The following HECA variants were observed in gnomAD, a reference collection of about 807,000 sequenced individuals.
HECA encodes HECA ribonucleoprotein granule regulator, also known as headcase protein homolog.
In HECA, 13 loss-of-function variants were observed where a neutral mutation model predicts 37.6. The ratio of observed to expected loss-of-function variants is 0.35; its 90% CI spans 0.23 to 0.55. The LOEUF is 0.55. Among genes scored for constraint, HECA ranks in the 20% least tolerant of loss-of-function variants. HECA has a pLI of 0.90. For missense variants in HECA, 527 were observed against 701.9 expected, an observed-to-expected ratio of 0.75 and a Z score of 2.82; for synonymous variants, 307 against 291.5, an observed-to-expected ratio of 1.05 and a Z score of -0.54.
intron 1 of HECA, among the ~76,000 whole-genome samples, chr6:139,163,536 T>G (rs1300960130): frequency 2.6e-5 from 4 of 151,996 alleles, no homozygotes; most frequent in Non-Finnish European, 1.5e-5. Flanking sequence ...GTATTTTTAG[T>G]AGAGATGGGG....
chr6:139,135,829 G>T (rs1322694005), intron 1 of HECA, among the ~76,000 whole-genome samples, 162 bp downstream of exon 1: 1 of 151,150 alleles, frequency 6.6e-6, no homozygotes, highest in Non-Finnish European at 1.5e-5. Context: ...CGGTCCCCAC[G>T]CCTGGCGGCG....
At chr6:139,135,758 A>G in intron 1 of HECA, 91 bp downstream of exon 1, 2 of 493,848 alleles carry the variant, frequency 4.0e-6, no homozygotes, top group Non-Finnish European at 2.6e-6. Flanking sequence ...CGGTGCGTGG[A>G]CAATGCGAGA....
chr6:139,150,863 T>G lies in HECA; in HGVS notation c.271+15196T>G, dbSNP rs1031749833. Among the ~76,000 whole-genome samples, 11 of 152,346 alleles carry G rather than the reference T, an allele frequency of 7.2e-5. No individual in the cohort carries two copies. In the East Asian group the frequency reaches 1.5e-3, roughly 21 times the overall value. ...CAATAGGAGTCTGTAACTCTAAGTTTACTTAATTTTCCTTAGAAAATTTTA... is the reference window on the plus strand; with the variant it reads ...CAATAGGAGTCTGTAACTCTAAGTTGACTTAATTTTCCTTAGAAAATTTTA... On this transcript the variant is annotated intron_variant, in intron 1 of 3. Transcript: ENST00000367658.
intron 1 of HECA, among the ~76,000 whole-genome samples, chr6:139,148,928 G>C (rs1774616131): frequency 6.6e-6 from 1 of 152,018 alleles, no homozygotes; most frequent in Admixed American, 6.6e-5. Context: ...CAGCTATGTA[G>C]GACTTTGACA....
chr6:139,145,532 CGT>C (rs1774575475), intron 1 of HECA, among the ~76,000 whole-genome samples: 1 of 152,058 alleles, frequency 6.6e-6, no homozygotes, highest in African/African-American at 2.4e-5. Flanking sequence ...CATATATACA[CGT>C]AATATAGTGT....
At position 139,177,298 on chromosome 6, in the gene HECA, C is replaced by G; in HGVS notation, c.*193C>G. ...CCGAGTGTTAATCTGTGGTTTTGAC[C>G]AGAGCCCAGATGGGTAATCCTGTGC... On this transcript the variant is annotated 3_prime_UTR_variant, in exon 4 of 4. Coordinates refer to ENST00000367658, the MANE Select transcript of HECA (RefSeq NM_016217.3). The surrounding 1 kb of genome is among the most constrained non-coding windows in gnomAD (Gnocchi z 4.9). 2.2e-6 allele frequency: 1 copy of G among 463,504 alleles called. No homozygotes were observed. The highest frequency in any genetic ancestry group is 3.2e-5 in the East Asian group (1 of 30,806). 28.7% of individuals were successfully genotyped at this position (463,504 alleles called of 1,614,324 possible).
chr6:139,139,714 C>T (rs1774491347), intron 1 of HECA, among the ~76,000 whole-genome samples: 1 of 152,222 alleles, frequency 6.6e-6, no homozygotes, highest in South Asian at 2.1e-4. Context: ...TCCCCCAACT[C>T]CCAGTTGACT....
chr6:139,141,755 T>TCC (rs1554216895), intron 1 of HECA, among the ~76,000 whole-genome samples: 4,269 of 127,032 alleles, frequency 0.034, 76 homozygotes, highest in Non-Finnish European at 0.043. Context: ...AACACCTTCT[T>TCC]TTTTTTTTTT....
At chr6:139,160,651 G>A (rs544879218) in intron 1 of HECA, among the ~76,000 whole-genome samples, 1 of 152,288 alleles carries the variant, frequency 6.6e-6, no homozygotes, top group East Asian at 1.9e-4. Flanking sequence ...CTGGCCGCAA[G>A]TGATTCTCTG....
chr6:139,160,816 G>A (rs548195523), intron 1 of HECA, among the ~76,000 whole-genome samples: 108 of 152,092 alleles, frequency 7.1e-4, no homozygotes, highest in Non-Finnish European at 1.1e-3. Context: ...GAAATACAGC[G>A]GTATAAAATT....
chr6:139,151,449 A>G (rs1385857605), intron 1 of HECA, among the ~76,000 whole-genome samples: 1 of 122,186 alleles, frequency 8.2e-6, no homozygotes, highest in Admixed American at 8.9e-5. Flanking sequence ...GAATGCAGGC[A>G]AGGCAGGCTG....
intron 1 of HECA, 44 bp downstream of exon 1, chr6:139,135,711 G>A: frequency 1.1e-6 from 1 of 934,130 alleles, no homozygotes; most frequent in Non-Finnish European, 1.3e-6. Flanking sequence ...CCTCCCCGAC[G>A]GGGACGGCGC....
intron 1 of HECA, among the ~76,000 whole-genome samples, chr6:139,162,056 C>A (rs556834657): frequency 1.3e-5 from 2 of 152,172 alleles, no homozygotes; most frequent in East Asian, 3.9e-4. Context: ...ATCTTTAATG[C>A]GACTTTTTTC....
At chr6:139,171,954 A>G (rs1304500309) in intron 2 of HECA, among the ~76,000 whole-genome samples, 1 of 151,414 alleles carries the variant, frequency 6.6e-6, no homozygotes. Context: ...CCTCAGCCTC[A>G]TGAGTAGCTG....
In HECA at chr6:139,176,664, G is replaced by C. The variant is rs1370130608; in HGVS notation, c.1468-277G>C. On this transcript the variant is annotated intron_variant, in intron 3 of 3. Coordinates refer to ENST00000367658, the MANE Select transcript of HECA (RefSeq NM_016217.3). The surrounding 1 kb of genome is among the most constrained non-coding windows in gnomAD (Gnocchi z 4.5). ...TTCAGCCGCTGTCTTAAAATCCAGG[G>C]GGAGGGGTTTCTTATTGTTAGGGAA... Among the ~76,000 whole-genome samples, 1 of 152,178 alleles carries C rather than the reference G, an allele frequency of 6.6e-6. No individual in the cohort carries two copies. The highest frequency in any genetic ancestry group is 1.5e-5 in the Non-Finnish European group (1 of 68,032).
intron 1 of HECA, among the ~76,000 whole-genome samples, chr6:139,145,823 G>A (rs896534484): frequency 6.6e-6 from 1 of 152,110 alleles, no homozygotes; most frequent in Non-Finnish European, 1.5e-5. Flanking sequence ...GCGATAGTTT[G>A]GTGGTAATAT....
chr6:139,172,844 C>T (rs1403321656), intron 2 of HECA, among the ~76,000 whole-genome samples: 1 of 152,224 alleles, frequency 6.6e-6, no homozygotes, highest in Non-Finnish European at 1.5e-5. Flanking sequence ...TTCTGTAATG[C>T]TGCTGTTAGG....
chr6:139,147,033 G>C (rs1194191265), intron 1 of HECA, among the ~76,000 whole-genome samples: 1 of 152,136 alleles, frequency 6.6e-6, no homozygotes, highest in Non-Finnish European at 1.5e-5. Context: ...CCCTTTTTGA[G>C]TGTTTAGTAG....
At position 139,136,503 on chromosome 6, in the gene HECA, C is replaced by G. The variant is rs1378139168; in HGVS notation, c.271+836C>G. Among the ~76,000 whole-genome samples, 5 of 152,066 alleles carry G rather than the reference C, an allele frequency of 3.3e-5. No individual in the cohort carries two copies. The South Asian group carries it at 1.0e-3, about 32-fold the overall frequency. Reference sequence around the variant, plus strand: ...CTTATTTGGACAGTTCTTTGAATTCCTCTAGTCAGGCACTTTTTCCAGGAA... The same window carrying G: ...CTTATTTGGACAGTTCTTTGAATTCGTCTAGTCAGGCACTTTTTCCAGGAA... On this transcript the variant is annotated intron_variant, in intron 1 of 3. Transcript: ENST00000367658.
Sources: allele counts gnomAD v4.1 joint callset (sites outside exome capture counted in the v4.1 genomes callset), GRCh38; gene constraint gnomAD v4.1.1; non-coding constraint Gnocchi (gnomAD v3.1); transcripts MANE v1.5; gene names NCBI Gene and HGNC (gene_info 2026-07-23, HGNC 2026-07-21).